LRP1B: variants seen among roughly 807,000 people sequenced by gnomAD.
LRP1B encodes LDL receptor related protein 1B.
A neutral mutation model predicts 556.6 loss-of-function variants in LRP1B; 217 were observed. The observed-to-expected ratio is 0.39, with a 90% CI of 0.35 to 0.44. LRP1B has a LOEUF of 0.44. LRP1B is among the 20% of genes least tolerant of loss of function. LRP1B has a pLI of 1.00. For missense variants in LRP1B, 5,053 were observed against 5,620.8 expected (o/e 0.90, Z 3.23); for synonymous variants, 2,047 against 1,865.8 (o/e 1.10, Z -2.50).
chr2:140,396,542 G>A (rs1045752240), intron 66 of LRP1B, among the ~76,000 whole-genome samples: 1 of 152,086 alleles, frequency 6.6e-6, no homozygotes, highest in Admixed American at 6.6e-5. Context: ...ATAACAGAGG[G>A]CGATTATTTA....
chr2:140,272,304 T>A (rs1682500055), intron 85 of LRP1B, among the ~76,000 whole-genome samples: 1 of 141,390 alleles, frequency 7.1e-6, no homozygotes, highest in South Asian at 2.3e-4. Flanking sequence ...GAATATGTGA[T>A]GTATCACTTT....
intron 43 of LRP1B, among the ~76,000 whole-genome samples, chr2:140,589,505 G>A (rs1039730232): frequency 6.6e-6 from 1 of 152,178 alleles, no homozygotes; most frequent in Admixed American, 6.5e-5. Flanking sequence ...AGATATTCAT[G>A]AAAGCTTCAT....
chr2:140,762,541 T>A (rs2104918700), intron 35 of LRP1B, among the ~76,000 whole-genome samples: 1 of 152,260 alleles, frequency 6.6e-6, no homozygotes, highest in South Asian at 2.1e-4. Flanking sequence ...GGTGTTTAAT[T>A]CCATTTCTAG....
At chr2:140,693,951 A>T (rs571040352) in intron 41 of LRP1B, among the ~76,000 whole-genome samples, 1 of 152,112 alleles carries the variant, frequency 6.6e-6, no homozygotes, top group South Asian at 2.1e-4. Flanking sequence ...CAAGTGATCC[A>T]CCCACCTCAG....
At position 140,370,801 on chromosome 2, in the gene LRP1B, GC is replaced by G; in HGVS notation, c.10916del (p.Cys3639SerfsTer117). The G allele has an allele frequency of 6.2e-7, 1 of 1,612,592 alleles. No homozygotes were observed. The highest frequency in any genetic ancestry group is 8.5e-7 in the Non-Finnish European group (1 of 1,179,066). On this transcript the variant is annotated frameshift_variant, in exon 71 of 91. Coordinates refer to ENST00000389484, the MANE Select transcript of LRP1B (RefSeq NM_018557.3). LOFTEE classifies it high-confidence loss of function. The stretch of plus-strand genomic sequence containing the variant: ...TTGGAATACAGTGGGCTTTATTTTT[GC>G]ACCGAAACTGATCTTCCTTACATTC... ...VTECKEDQFRCKNKAHCIPIR... is the reference protein window; with the variant it reads ...VTECKEDQFRXKNKAHCIPIR...
intron 72 of LRP1B, among the ~76,000 whole-genome samples, chr2:140,362,942 C>T (rs1024666053): frequency 6.6e-6 from 1 of 151,524 alleles, no homozygotes; most frequent in Admixed American, 6.6e-5. Flanking sequence ...TAATCATGGT[C>T]TCTTGCTGAA....
intron 7 of LRP1B, among the ~76,000 whole-genome samples, chr2:141,081,463 C>T (rs1016737431): frequency 5.3e-5 from 8 of 152,190 alleles, no homozygotes; most frequent in East Asian, 1.9e-4. Context: ...TCCTCTCTTA[C>T]GCACTTCGTG....
chr2:140,845,037 G>A (rs1392511924), intron 29 of LRP1B, among the ~76,000 whole-genome samples: 3 of 152,118 alleles, frequency 2.0e-5, no homozygotes, highest in Non-Finnish European at 2.9e-5. Flanking sequence ...CCTAGTGAAA[G>A]ATGAGTGAGA....
chr2:140,717,743 C>G (rs1457956483), intron 35 of LRP1B, among the ~76,000 whole-genome samples: 3 of 152,046 alleles, frequency 2.0e-5, no homozygotes, highest in Admixed American at 2.0e-4. Context: ...TTCCCTCTGG[C>G]ACACTGACAG....
At chr2:140,474,554 T>C (rs920321741) in intron 60 of LRP1B, among the ~76,000 whole-genome samples, 1 of 151,946 alleles carries the variant, frequency 6.6e-6, no homozygotes, top group South Asian at 2.1e-4. Context: ...CTTAAAAAGC[T>C]ACCTGTTACC....
intron 20 of LRP1B, among the ~76,000 whole-genome samples, chr2:140,937,939 T>C (rs1158860234): frequency 6.6e-6 from 1 of 151,768 alleles, no homozygotes; most frequent in East Asian, 1.9e-4. Flanking sequence ...CATAATATTG[T>C]CAGAACTACC....
chr2:141,659,519 C>T (rs1690133409), intron 2 of LRP1B, among the ~76,000 whole-genome samples: 1 of 152,036 alleles, frequency 6.6e-6, no homozygotes, highest in Non-Finnish European at 1.5e-5. Context: ...TCAACAATGA[C>T]TTATGCTGCA....
At chr2:141,678,404 AC>A (rs1254060055) in intron 2 of LRP1B, among the ~76,000 whole-genome samples, 1 of 152,158 alleles carries the variant, frequency 6.6e-6, no homozygotes, top group Non-Finnish European at 1.5e-5. Context: ...TAGAGTTGAA[AC>A]AAAAAAAATG....
At chr2:141,344,975 G>C (rs898438463) in intron 3 of LRP1B, among the ~76,000 whole-genome samples, 7 of 152,132 alleles carry the variant, frequency 4.6e-5, no homozygotes, top group Non-Finnish European at 7.4e-5. Flanking sequence ...CTAAATAGCT[G>C]ACATTGAGAT....
chr2:141,533,492 C>T (rs1212707477), intron 2 of LRP1B, among the ~76,000 whole-genome samples: 1 of 152,184 alleles, frequency 6.6e-6, no homozygotes, highest in Non-Finnish European at 1.5e-5. Context: ...TATACATGTA[C>T]TTGGTAAGCC....
At chr2:140,478,274 T>C (rs11903085) in intron 59 of LRP1B, among the ~76,000 whole-genome samples, 7,236 of 150,776 alleles carry the variant, frequency 0.048, 211 homozygotes, top group African/African-American at 0.052. Context: ...CTCAGCCTCC[T>C]GAGTAGCTGG....
chr2:141,416,605 C>T (rs72846858), intron 3 of LRP1B, among the ~76,000 whole-genome samples: 17,213 of 151,998 alleles, frequency 0.11, 1,208 homozygotes, highest in Non-Finnish European at 0.14. Flanking sequence ...AGACTCACAC[C>T]ATTACCACCA....
At chr2:141,092,689 G>A (rs1348806817) in intron 7 of LRP1B, among the ~76,000 whole-genome samples, 1 of 152,214 alleles carries the variant, frequency 6.6e-6, no homozygotes, top group Non-Finnish European at 1.5e-5. Context: ...TACAGCTAAT[G>A]AGATAGAAAC....
intron 7 of LRP1B, among the ~76,000 whole-genome samples, chr2:141,075,394 A>G (rs1248351964): frequency 6.6e-6 from 1 of 152,140 alleles, no homozygotes; most frequent in Non-Finnish European, 1.5e-5. Flanking sequence ...ATTTTTCCCA[A>G]TAAGTCTACC....
Sources: allele counts gnomAD v4.1 joint callset (sites outside exome capture counted in the v4.1 genomes callset), GRCh38; gene constraint gnomAD v4.1.1; transcripts MANE v1.5; gene names NCBI Gene and HGNC (gene_info 2026-07-23, HGNC 2026-07-21).